Variants in FCER2 observed in about 807,000 individuals in gnomAD.
FCER2 encodes the protein Fc epsilon receptor II.
In FCER2, 38 loss-of-function variants were observed where a neutral mutation model predicts 49.7. The ratio of observed to expected loss-of-function variants is 0.76; its 90% confidence interval spans 0.59 to 1.00. The LOEUF is 1.00. FCER2 is among the 50% of genes least tolerant of loss of function. The pLI, the probability that FCER2 is intolerant of heterozygous loss-of-function variation, is 0.00. For synonymous variants in FCER2, 163 were observed against 164.6 expected (o/e 0.99, Z 0.07); for missense variants, 425 against 419.5 (o/e 1.01, Z -0.11).
At chr19:7,701,763 G>C (rs572083709) in intron 1 of FCER2, among the ~76,000 whole-genome samples, 10 of 151,874 alleles carry the variant, frequency 6.6e-5, no homozygotes, top group Admixed American at 6.6e-4. Context: ...CTCTATGATC[G>C]GCCCAGCGCA....
chr19:7,697,027 C>A lies in FCER2; in HGVS notation c.365G>T (p.Ser122Ile). 1 of 1,604,888 alleles carries A rather than the reference C, an allele frequency of 6.2e-7. No individual in the cohort carries two copies. The highest frequency in any genetic ancestry group is 8.5e-7 in the Non-Finnish European group (1 of 1,175,702). ...NLNGLQADLS[S>I]FKSQELNERN... ...CCAAGCCTCACCCTGGGACTTGAAGCTGCTCAGATCTGCTTGAAGCCCGTT... is the reference window on the plus strand; with the variant it reads ...CCAAGCCTCACCCTGGGACTTGAAGATGCTCAGATCTGCTTGAAGCCCGTT... The change falls in exon 7 of 11, where the codon AGC becomes ATC. Residue 122 changes from serine (S) to isoleucine (I), a missense_variant. Transcript: ENST00000597921.
chr19:7,697,394 GA>G, intron 5 of FCER2, 96 bp from the exon 6 acceptor site: 1 of 1,500,142 alleles, frequency 6.7e-7, no homozygotes, highest in Non-Finnish European at 9.3e-7. Flanking sequence ...TGGGTTCTTG[GA>G]ACCACCTGCT....
chr19:7,689,308 C>A lies in FCER2; in HGVS notation c.851G>T (p.Arg284Leu). 2 of 1,613,280 alleles carry A rather than the reference C, an allele frequency of 1.2e-6. No homozygotes were observed. The highest frequency in any genetic ancestry group is 8.5e-7 in the Non-Finnish European group (1 of 1,179,732). Residue 284 changes from arginine (R) to leucine (L), a missense_variant, in exon 11 of 11, where the codon CGG (arginine) becomes CTG (leucine). Coordinates refer to ENST00000597921, the MANE Select transcript of FCER2 (RefSeq NM_001220500.2). ...GGCTGGCGGCGTGCATGTGGCCAGC[C>A]GGTCGCACACCCAGGCGCCCAGCTT... ...DRKLGAWVCD[R>L]LATCTPPASE...
intron 8 of FCER2, 146 bp from the exon 9 acceptor site, chr19:7,690,703 C>T (rs570014323): frequency 1.2e-5 from 9 of 745,592 alleles, no homozygotes; most frequent in East Asian, 8.1e-5. Context: ...GACAGCCTCA[C>T]GGGCTGTGTT....
At position 7,697,656 on chromosome 19, in the gene FCER2, C is replaced by A. The variant is rs1247940986; in HGVS notation, c.191-67G>T. 2.3e-6 allele frequency: 3 copies of A among 1,332,978 alleles called. No homozygotes were observed. The African/African-American group carries it at 4.3e-5, about 19-fold the overall frequency. 82.6% of individuals were successfully genotyped at this position (1,332,978 alleles called of 1,614,324 possible). A position where few individuals can be genotyped will look rare whatever the true frequency, so the allele number is the denominator to read the frequency against. On this transcript the variant is annotated intron_variant, in intron 4 of 10. Coordinates refer to ENST00000597921, the MANE Select transcript of FCER2 (RefSeq NM_001220500.2). The stretch of plus-strand genomic sequence containing the variant: ...GGCAGGTCCTTGGACCCCGCCTATG[C>A]CCCAGGCTCAGGGACCCTCTCACAT...
chr19:7,693,956 T>TTA (rs917841156), intron 8 of FCER2, among the ~76,000 whole-genome samples: 1 of 81,044 alleles, frequency 1.2e-5, no homozygotes, highest in African/African-American at 7.2e-5. Context: ...GCCACAGATT[T>TTA]TTTTTTTTTT....
At chr19:7,696,293 G>T (rs951550972) in intron 8 of FCER2, among the ~76,000 whole-genome samples, 1 of 152,042 alleles carries the variant, frequency 6.6e-6, no homozygotes, top group Non-Finnish European at 1.5e-5. Context: ...AGAGATGGGG[G>T]TTTCATCATG....
Position 7,698,336 on chromosome 19 carries a change from C to G in FCER2, c.190+20G>C, listed in dbSNP as rs753161745. On this transcript the variant is annotated intron_variant, in intron 4 of 10. Coordinates refer to ENST00000597921, the MANE Select transcript of FCER2 (RefSeq NM_001220500.2). ...ATCCTAACCCTCACCCCCACCCCCT[C>G]CACCTTGACCCCTTCATACCGTTCC... 1 of 1,567,670 alleles carries G rather than the reference C, an allele frequency of 6.4e-7. No individual in the cohort carries two copies. The highest frequency in any genetic ancestry group is 1.4e-5 in the African/African-American group (1 of 73,656).
intron 8 of FCER2, among the ~76,000 whole-genome samples, chr19:7,694,857 C>T (rs575716523): frequency 6.6e-5 from 10 of 152,032 alleles, no homozygotes; most frequent in African/African-American, 2.2e-4. Context: ...TCTTCAGAGG[C>T]AAGGTCCCAC....
chr19:7,698,484 G>T, intron 3 of FCER2, 75 bp from the exon 4 acceptor site: 2 of 1,228,672 alleles, frequency 1.6e-6, no homozygotes, highest in Non-Finnish European at 2.4e-6. Context: ...CCACCTCCCA[G>T]CTGGGGATGG....
chr19:7,696,708 C>A (rs2033021655), intron 8 of FCER2, 117 bp downstream of exon 8: 1 of 735,148 alleles, frequency 1.4e-6, no homozygotes, highest in African/African-American at 1.8e-5. Context: ...ACACTCGGGT[C>A]ACACAAACGT....
rs1473218872 is a variant in FCER2 at position 7,689,352 on chromosome 19, G to A, written c.807C>T (p.Asn269=). 7.4e-6 allele frequency: 12 copies of A among 1,611,146 alleles called. No individual in the cohort carries two copies. The highest frequency in any genetic ancestry group is 1.3e-5 in the African/African-American group (1 of 74,888). ...CCAGCTTACGGTCGCAGAAGGCGTC[G>A]TTCCAGCGACCGGAGCCCCGCATCA... ...CVMMRGSGRW[N]DAFCDRKLGA... is the part of the protein sequence containing the mutation. The change falls in exon 11 of 11, where the codon AAC becomes AAT. Residue 269 remains asparagine (N), a synonymous_variant. Coordinates refer to ENST00000597921, the MANE Select transcript of FCER2 (RefSeq NM_001220500.2).
chr19:7,695,978 A>G (rs2033001742), intron 8 of FCER2, among the ~76,000 whole-genome samples: 1 of 134,498 alleles, frequency 7.4e-6, no homozygotes, highest in African/African-American at 2.9e-5. Flanking sequence ...CCTGGAATGC[A>G]GTGGTGCGAA....
chr19:7,697,038 T>C lies in FCER2; in HGVS notation c.354A>G (p.Ala118=), dbSNP rs774956412. The change falls in exon 7 of 11, where the codon GCA becomes GCG. Residue 118 remains alanine, a synonymous_variant. Coordinates refer to ENST00000597921, the MANE Select transcript of FCER2 (RefSeq NM_001220500.2). ...CCTGGGACTTGAAGCTGCTCAGATC[T>C]GCTTGAAGCCCGTTCAGGTTCCAGG... ...ELSWNLNGLQ[A]DLSSFKSQEL... 5 of 1,609,840 alleles carry C rather than the reference T, an allele frequency of 3.1e-6. No individual in the cohort carries two copies. The highest frequency in any genetic ancestry group is 1.3e-5 in the African/African-American group (1 of 74,898).
rs1420471141 is a variant in FCER2, at chr19:7,698,703, G to A, written c.136+38C>T. The A allele has an allele frequency of 4.4e-6, 7 of 1,602,906 alleles. No individual in the cohort carries two copies. The South Asian group carries it at 7.8e-5, about 18-fold the overall frequency. On this transcript the variant is annotated intron_variant, in intron 3 of 10. Transcript: ENST00000597921. ...AGGAGGGAACACAGAAGGGCCCCAT[G>A]AGTTGGGGGGACCACATGGAGCTGG... is the stretch of plus-strand genomic sequence containing the variant.
At chr19:7,689,565 A>C in intron 10 of FCER2, 135 bp from the exon 11 acceptor site, 1 of 603,958 alleles carries the variant, frequency 1.7e-6, no homozygotes, top group Non-Finnish European at 2.9e-6. Flanking sequence ...CCGGTACCTC[A>C]TTTTGGTGCC....
intron 3 of FCER2, 75 bp downstream of exon 3, chr19:7,698,666 A>G: frequency 1.3e-6 from 2 of 1,558,876 alleles, no homozygotes; most frequent in Non-Finnish European, 1.7e-6. Flanking sequence ...CCCAGCTCTG[A>G]GATGGGGGTG....
chr19:7,698,821 C>G lies in FCER2; in HGVS notation c.56G>C (p.Arg19Thr), dbSNP rs1277003634. 3.7e-6 allele frequency: 6 copies of G among 1,610,314 alleles called. No homozygotes were observed. The highest frequency in any genetic ancestry group is 5.1e-6 in the Non-Finnish European group (6 of 1,178,818). Residue 19 changes from arginine (R) to threonine (T), a missense_variant, in exon 3 of 11, where the codon AGG becomes ACG. Coordinates refer to ENST00000597921, the MANE Select transcript of FCER2 (RefSeq NM_001220500.2). ...IEELPRRRCC[R>T]RGTQIVLLGL... ...CAGCAGCACGATCTGAGTCCCACGCCTGCAACACCGCCTCCTGGGAAGCTC... is the reference window on the plus strand; with the variant it reads ...CAGCAGCACGATCTGAGTCCCACGCGTGCAACACCGCCTCCTGGGAAGCTC...
intron 3 of FCER2, 160 bp from the exon 4 acceptor site, chr19:7,698,569 G>A: frequency 1.1e-6 from 1 of 893,678 alleles, no homozygotes; most frequent in Non-Finnish European, 1.7e-6. Flanking sequence ...GAGGGGCTCT[G>A]GAGGGTGGGG....
Sources: gnomAD v4.1 joint callset for allele counts (sites outside exome capture counted in the v4.1 genomes callset) on GRCh38, gnomAD v4.1.1 for gene constraint, MANE v1.5 for transcripts, NCBI Gene and HGNC (gene_info 2026-07-23, HGNC 2026-07-21) for gene names.